Variants in GRID1 observed in about 807,000 individuals in gnomAD.
The protein encoded by GRID1 is glutamate ionotropic receptor delta type subunit 1, also known as glutamate receptor ionotropic, delta-1.
A neutral mutation model predicts 98.0 loss-of-function variants in GRID1; 28 were observed. The observed-to-expected ratio is 0.29, with a 90% CI of 0.21 to 0.39. The LOEUF (loss-of-function observed/expected upper bound fraction) is 0.39, where lower values mean the gene tolerates loss of function less well. GRID1 is among the 10% of genes least tolerant of loss of function. The probability of loss-of-function intolerance (pLI) is 1.00; values close to 1 mark genes in which losing one functional copy is unlikely to be tolerated. For missense variants in GRID1, 1,111 were observed against 1,340.5 expected (o/e 0.83, Z 2.67); for synonymous variants, 553 against 538.5 (o/e 1.03, Z -0.37).
In GRID1 at chr10:85,953,089, T is replaced by C. The variant is rs1261290890; in HGVS notation, c.727-36850A>G. On this transcript the variant is annotated intron_variant, in intron 4 of 15. Transcript: ENST00000327946. ...TTTATATTATCAGTAAGGTTTCTTA[T>C]CAACAGTAACCTATTCATAGTTAAA... Among the ~76,000 whole-genome samples the C allele has an allele frequency of 2.6e-5, 4 of 152,112 alleles. No homozygotes were observed. In the East Asian group the frequency reaches 7.7e-4, roughly 29 times the overall value.
At chr10:85,763,284 T>C (rs898329599) in intron 8 of GRID1, among the ~76,000 whole-genome samples, 8 of 152,190 alleles carry the variant, frequency 5.3e-5, no homozygotes, top group Admixed American at 3.9e-4. Flanking sequence ...CCCACTGAGA[T>C]AACAGGTCCC....
intron 2 of GRID1, among the ~76,000 whole-genome samples, chr10:86,351,898 G>C (rs1034745558): frequency 6.6e-6 from 1 of 152,240 alleles, no homozygotes; most frequent in African/African-American, 2.4e-5. Flanking sequence ...CCCGAAGTCA[G>C]CCCATTAAGT....
intron 4 of GRID1, among the ~76,000 whole-genome samples, chr10:86,023,499 T>C (rs1843076939): frequency 6.6e-6 from 1 of 152,006 alleles, no homozygotes; most frequent in African/African-American, 2.4e-5. Flanking sequence ...CTCTAAACCT[T>C]CTCTCAGCAA....
intron 2 of GRID1, among the ~76,000 whole-genome samples, chr10:86,342,325 C>T (rs763723502): frequency 6.6e-6 from 1 of 152,194 alleles, no homozygotes; most frequent in Non-Finnish European, 1.5e-5. Flanking sequence ...GGCCAGCCAG[C>T]AGGTCCAAGT....
intron 3 of GRID1, among the ~76,000 whole-genome samples, chr10:86,157,547 G>A (rs1024265965): frequency 6.6e-6 from 1 of 152,136 alleles, no homozygotes; most frequent in African/African-American, 2.4e-5. Context: ...ATGTAAAGAA[G>A]GGCTTGTATG....
chr10:85,684,019 A>G (rs1484797452), intron 12 of GRID1, among the ~76,000 whole-genome samples: 1 of 152,236 alleles, frequency 6.6e-6, no homozygotes. Context: ...ATTCCAGAAC[A>G]GGCCATAAAG....
chr10:86,190,344 G>A (rs766132566), intron 3 of GRID1, among the ~76,000 whole-genome samples: 3 of 152,120 alleles, frequency 2.0e-5, no homozygotes, highest in South Asian at 2.1e-4. Flanking sequence ...TGGCTCACAC[G>A]AGCCCCTGTG....
At chr10:86,198,627 G>A (rs894566796) in intron 3 of GRID1, among the ~76,000 whole-genome samples, 12 of 152,150 alleles carry the variant, frequency 7.9e-5, no homozygotes, top group Non-Finnish European at 2.9e-5. Context: ...TGAAAAAACT[G>A]TTGCACAGAG....
At chr10:86,069,769 G>A (rs1055952068) in intron 4 of GRID1, among the ~76,000 whole-genome samples, 1 of 152,218 alleles carries the variant, frequency 6.6e-6, no homozygotes, top group East Asian at 1.9e-4. Context: ...GAAGTTACAA[G>A]GCAAGCTAGT....
At chr10:85,701,996 AAAC>A (rs1402490480) in intron 12 of GRID1, among the ~76,000 whole-genome samples, 6 of 152,300 alleles carry the variant, frequency 3.9e-5, no homozygotes, top group East Asian at 1.9e-4. Flanking sequence ...CCAAATTAGA[AAAC>A]AACAACAATA....
At chr10:86,357,870 T>G (rs1290189585) in intron 2 of GRID1, among the ~76,000 whole-genome samples, 1 of 152,118 alleles carries the variant, frequency 6.6e-6, no homozygotes, top group Non-Finnish European at 1.5e-5. Flanking sequence ...AGCAGCTCTC[T>G]GTGGGACCCC....
intron 4 of GRID1, among the ~76,000 whole-genome samples, chr10:86,067,013 T>A (rs1392155293): frequency 6.6e-6 from 1 of 152,144 alleles, no homozygotes; most frequent in East Asian, 1.9e-4. Flanking sequence ...AATCACCCCT[T>A]CCTTAATAGC....
At chr10:85,715,377 G>T (rs1841626916) in intron 12 of GRID1, among the ~76,000 whole-genome samples, 1 of 151,968 alleles carries the variant, frequency 6.6e-6, no homozygotes, top group African/African-American at 2.4e-5. Context: ...TAGATAAATG[G>T]GACTGAATCA....
intron 4 of GRID1, among the ~76,000 whole-genome samples, chr10:85,917,037 A>G (rs1841630474): frequency 1.3e-5 from 2 of 152,346 alleles, no homozygotes; most frequent in South Asian, 2.1e-4. Context: ...GCCAAGGCAG[A>G]CAGAACTCAG....
intron 8 of GRID1, among the ~76,000 whole-genome samples, chr10:85,734,440 T>C (rs955944321): frequency 1.3e-5 from 2 of 152,226 alleles, no homozygotes; most frequent in African/African-American, 2.4e-5. Flanking sequence ...AAGCCTATTA[T>C]CATGCTTCTC....
intron 12 of GRID1, among the ~76,000 whole-genome samples, chr10:85,669,246 G>A (rs1022361344): frequency 6.6e-6 from 1 of 152,204 alleles, no homozygotes; most frequent in Admixed American, 6.5e-5. Flanking sequence ...AGTAGGGGTG[G>A]AGGATGATGG....
At chr10:86,029,180 C>A (rs911024365) in intron 4 of GRID1, among the ~76,000 whole-genome samples, 1 of 152,184 alleles carries the variant, frequency 6.6e-6, no homozygotes, top group Admixed American at 6.5e-5. Flanking sequence ...GTTTCCACTT[C>A]CCCCCAAAAC....
chr10:85,843,545 G>C (rs12262274), intron 8 of GRID1, among the ~76,000 whole-genome samples: 33,232 of 151,846 alleles, frequency 0.22, 3,824 homozygotes, highest in South Asian at 0.27. Context: ...TATCCAATAA[G>C]AGACTAGTAT....
At chr10:85,758,469 T>C (rs1464801542) in intron 8 of GRID1, among the ~76,000 whole-genome samples, 1 of 152,248 alleles carries the variant, frequency 6.6e-6, no homozygotes, top group East Asian at 1.9e-4. Flanking sequence ...GAGGCCTCAG[T>C]TTTCCTCCAC....
Sources: gnomAD v4.1 joint callset for allele counts (sites outside exome capture counted in the v4.1 genomes callset) on GRCh38, gnomAD v4.1.1 for gene constraint, MANE v1.5 for transcripts, NCBI Gene and HGNC (gene_info 2026-07-23, HGNC 2026-07-21) for gene names.